TSHZ2: variants seen among roughly 807,000 people sequenced by gnomAD.
TSHZ2 encodes teashirt homolog 2.
TSHZ2 carries 21 observed loss-of-function variants against 74.4 expected under a neutral mutation model. The ratio of observed to expected loss-of-function variants is 0.28; its 90% CI spans 0.20 to 0.41. The LOEUF is 0.41. Among genes scored for constraint, TSHZ2 ranks in the 10% least tolerant of loss-of-function variants. TSHZ2 has a pLI of 1.00. For synonymous variants in TSHZ2, 540 were observed against 515.3 expected (o/e 1.05, Z -0.65); for missense variants, 1,244 against 1,293.5 (o/e 0.96, Z 0.59).
intron 1 of TSHZ2, among the ~76,000 whole-genome samples, chr20:53,237,765 C>G (rs1049829014): frequency 6.6e-6 from 1 of 152,042 alleles, no homozygotes; most frequent in African/African-American, 2.4e-5. Context: ...TGTATATGGA[C>G]GATTTAAAGC....
intron 2 of TSHZ2, among the ~76,000 whole-genome samples, chr20:53,407,625 G>A (rs901710714): frequency 1.3e-5 from 2 of 152,160 alleles, no homozygotes; most frequent in South Asian, 4.1e-4. Flanking sequence ...TATAAAGTCA[G>A]GCTGAGATGA....
intron 1 of TSHZ2, among the ~76,000 whole-genome samples, chr20:53,183,059 C>T (rs1299147464): frequency 6.6e-6 from 1 of 152,150 alleles, no homozygotes; most frequent in African/African-American, 2.4e-5. Flanking sequence ...GGTTGAGACT[C>T]ATTTTTCAAC....
At chr20:53,145,111 A>G (rs966923306) in intron 1 of TSHZ2, among the ~76,000 whole-genome samples, 3 of 152,214 alleles carry the variant, frequency 2.0e-5, no homozygotes, top group Non-Finnish European at 4.4e-5. Context: ...GATACAGCAC[A>G]AGAAAAACAG....
intron 1 of TSHZ2, among the ~76,000 whole-genome samples, chr20:53,104,776 C>T (rs1164795514): frequency 2.0e-5 from 3 of 152,160 alleles, no homozygotes; most frequent in Admixed American, 6.5e-5. Context: ...AAAGATGAAC[C>T]GATCCTTCTG....
At chr20:53,324,856 G>T (rs1278749850) in intron 2 of TSHZ2, among the ~76,000 whole-genome samples, 1 of 152,176 alleles carries the variant, frequency 6.6e-6, no homozygotes, top group East Asian at 1.9e-4. Flanking sequence ...GTGTGCCCAG[G>T]CTTCAACCCT....
At chr20:53,466,686 G>A (rs963565475) in intron 2 of TSHZ2, among the ~76,000 whole-genome samples, 2 of 152,294 alleles carry the variant, frequency 1.3e-5, no homozygotes, top group Admixed American at 6.5e-5. Context: ...CAATTGTCAA[G>A]TGTTAAGTAT....
intron 1 of TSHZ2, among the ~76,000 whole-genome samples, chr20:53,087,450 C>T (rs1012995469): frequency 1.8e-4 from 27 of 152,192 alleles, no homozygotes; most frequent in African/African-American, 5.8e-4. Flanking sequence ...CTCTGACAGT[C>T]GGCTCATGAG....
intron 2 of TSHZ2, among the ~76,000 whole-genome samples, chr20:53,303,540 T>C (rs1305217036): frequency 6.6e-6 from 1 of 152,228 alleles, no homozygotes; most frequent in Non-Finnish European, 1.5e-5. Flanking sequence ...TTAAAAGGCT[T>C]GCAGCCTGTG....
intron 2 of TSHZ2, among the ~76,000 whole-genome samples, chr20:53,402,408 G>T (rs1368555736): frequency 6.6e-6 from 1 of 152,164 alleles, no homozygotes; most frequent in Non-Finnish European, 1.5e-5. Context: ...ACAGGCCCAT[G>T]TTGTACATAC....
intron 2 of TSHZ2, among the ~76,000 whole-genome samples, chr20:53,462,546 G>T (rs1795709523): frequency 6.6e-6 from 1 of 152,202 alleles, no homozygotes; most frequent in African/African-American, 2.4e-5. Flanking sequence ...GGAGCAGCTT[G>T]TAGCTATGGG....
chr20:53,347,135 G>A (rs1377299173), intron 2 of TSHZ2, among the ~76,000 whole-genome samples: 2 of 152,136 alleles, frequency 1.3e-5, no homozygotes, highest in African/African-American at 4.8e-5. Flanking sequence ...GATTCCAAGG[G>A]GCTTGATCAA....
At chr20:53,080,141 A>G (rs1031159566) in intron 1 of TSHZ2, among the ~76,000 whole-genome samples, 2 of 152,200 alleles carry the variant, frequency 1.3e-5, no homozygotes, top group Non-Finnish European at 2.9e-5. Context: ...ATGGTACCAG[A>G]CGCATAGAGA....
intron 1 of TSHZ2, among the ~76,000 whole-genome samples, chr20:53,187,286 G>A (rs1988623152): frequency 6.6e-6 from 1 of 152,118 alleles, no homozygotes; most frequent in South Asian, 2.1e-4. Flanking sequence ...GTTCAAGATG[G>A]TTCTTACTTC....
chr20:53,440,438 G>A (rs1040910359), intron 2 of TSHZ2, among the ~76,000 whole-genome samples: 2 of 152,164 alleles, frequency 1.3e-5, no homozygotes, highest in Admixed American at 6.6e-5. Flanking sequence ...GAGACCTTAC[G>A]TCATTGTCAC....
intron 1 of TSHZ2, among the ~76,000 whole-genome samples, chr20:53,243,350 T>A (rs2123698959): frequency 6.6e-6 from 1 of 152,304 alleles, no homozygotes; most frequent in East Asian, 1.9e-4. Context: ...GAGTCATCAC[T>A]GCATGCATGT....
intron 1 of TSHZ2, among the ~76,000 whole-genome samples, chr20:53,229,995 AAGAC>A (rs1989784222): frequency 2.7e-5 from 4 of 146,304 alleles, no homozygotes; most frequent in Admixed American, 6.8e-5. Flanking sequence ...AAGAGGAAGG[AAGAC>A]AGAAAGAGAG....
intron 2 of TSHZ2, among the ~76,000 whole-genome samples, chr20:53,341,146 C>T (rs539735970): frequency 1.3e-5 from 2 of 152,218 alleles, no homozygotes; most frequent in South Asian, 2.1e-4. Context: ...TAGTATTTGT[C>T]GGGGCAGTGA....
intron 2 of TSHZ2, among the ~76,000 whole-genome samples, chr20:53,406,155 C>A (rs979796411): frequency 6.6e-6 from 1 of 151,934 alleles, no homozygotes; most frequent in Non-Finnish European, 1.5e-5. Flanking sequence ...GGGCACAGAA[C>A]CACCAACTAT....
rs557499219 is a variant in TSHZ2 at position 53,180,235 on chromosome 20, C to T, written c.41-73264C>T. ...CACTGTATCTCGATAAGCACAGCAG[C>T]AGAAAGAGCACATTACCAAAATCCA... On this transcript the variant is annotated intron_variant, in intron 1 of 2. Transcript: ENST00000371497. 2.6e-5 allele frequency among the ~76,000 whole-genome samples: 4 copies of T among 152,278 alleles called. No homozygotes were observed. The East Asian group carries it at 7.7e-4, about 29-fold the overall frequency.
Sources: allele counts gnomAD v4.1 joint callset (sites outside exome capture counted in the v4.1 genomes callset), GRCh38; gene constraint gnomAD v4.1.1; transcripts MANE v1.5; gene names NCBI Gene and HGNC (gene_info 2026-07-23, HGNC 2026-07-21).